Variants in COL25A1 observed in about 807,000 individuals in gnomAD.
The protein encoded by COL25A1 is collagen alpha-1(XXV) chain.
COL25A1 carries 103 observed loss-of-function variants against 128.4 expected under a neutral mutation model. The ratio of observed to expected loss-of-function variants is 0.80; its 90% CI spans 0.68 to 0.94. COL25A1 has a LOEUF of 0.94. COL25A1 is among the 40% of genes least tolerant of loss of function. COL25A1 has a pLI of 0.00. For synonymous variants in COL25A1, 279 were observed against 277.2 expected, an observed-to-expected ratio of 1.01 and a Z score of -0.06; for missense variants, 745 against 840.0, an observed-to-expected ratio of 0.89 and a Z score of 1.40.
intron 8 of COL25A1, among the ~76,000 whole-genome samples, chr4:108,972,570 T>C (rs1326633964): frequency 6.6e-6 from 1 of 152,198 alleles, no homozygotes; most frequent in African/African-American, 2.4e-5. Flanking sequence ...CTTTCACCTC[T>C]ACCTTCCAGG....
At chr4:108,900,173 G>A (rs1479846298) in intron 14 of COL25A1, among the ~76,000 whole-genome samples, 1 of 152,144 alleles carries the variant, frequency 6.6e-6, no homozygotes, top group East Asian at 1.9e-4. Context: ...CACCCATCCT[G>A]ATGGTCGCTA....
chr4:109,012,072 G>A (rs1351777830), intron 5 of COL25A1, among the ~76,000 whole-genome samples: 24 of 152,298 alleles, frequency 1.6e-4, no homozygotes, highest in Non-Finnish European at 1.5e-5. Context: ...GAGTGTAGTG[G>A]CACAATCATG....
intron 27 of COL25A1, 137 bp from the exon 28 acceptor site, chr4:108,846,356 G>T: frequency 1.5e-6 from 1 of 651,044 alleles, no homozygotes; most frequent in South Asian, 1.9e-5. Context: ...TTGTTTTTAG[G>T]TAGAGTTATT....
At chr4:109,229,540 A>T (rs1449688565) in intron 3 of COL25A1, among the ~76,000 whole-genome samples, 1 of 152,222 alleles carries the variant, frequency 6.6e-6, no homozygotes, top group African/African-American at 2.4e-5. Flanking sequence ...AAGACACGTT[A>T]CAGACTTCTT....
chr4:108,847,966 A>G (rs1735309043), intron 27 of COL25A1, among the ~76,000 whole-genome samples: 1 of 152,162 alleles, frequency 6.6e-6, no homozygotes, highest in Admixed American at 6.5e-5. Flanking sequence ...AGAAAACACT[A>G]AAGATCTTGA....
intron 3 of COL25A1, among the ~76,000 whole-genome samples, chr4:109,228,208 T>C (rs933308769): frequency 6.6e-5 from 10 of 152,162 alleles, no homozygotes; most frequent in African/African-American, 2.4e-4. Context: ...TAATTTCCTC[T>C]GGAAACACCC....
At chr4:109,132,791 T>C (rs1036772555) in intron 3 of COL25A1, among the ~76,000 whole-genome samples, 24 of 152,144 alleles carry the variant, frequency 1.6e-4, no homozygotes, top group Admixed American at 6.5e-4. Flanking sequence ...CTTCTAATAA[T>C]ACAATTCTGT....
At chr4:109,260,575 A>C (rs1221056052) in intron 3 of COL25A1, among the ~76,000 whole-genome samples, 1 of 152,060 alleles carries the variant, frequency 6.6e-6, no homozygotes, top group Non-Finnish European at 1.5e-5. Context: ...GGCTCACTGC[A>C]AGCTCCGCCT....
intron 3 of COL25A1, among the ~76,000 whole-genome samples, chr4:109,190,612 G>T (rs1775528168): frequency 6.6e-6 from 1 of 152,080 alleles, no homozygotes; most frequent in Non-Finnish European, 1.5e-5. Flanking sequence ...AAGTATGAAT[G>T]GATATAATGG....
intron 3 of COL25A1, among the ~76,000 whole-genome samples, chr4:109,083,958 CAACTT>C (rs976920465): frequency 6.6e-6 from 1 of 152,040 alleles, no homozygotes; most frequent in African/African-American, 2.4e-5. Context: ...AATAGAAAAA[CAACTT>C]AAATTAAAAG....
At chr4:109,186,816 G>C (rs1207263323) in intron 3 of COL25A1, among the ~76,000 whole-genome samples, 1 of 152,160 alleles carries the variant, frequency 6.6e-6, no homozygotes, top group Non-Finnish European at 1.5e-5. Context: ...CATTTGATTA[G>C]AGAATGTTTC....
intron 3 of COL25A1, among the ~76,000 whole-genome samples, chr4:109,068,339 G>T (rs1227976110): frequency 6.6e-6 from 1 of 152,022 alleles, no homozygotes; most frequent in East Asian, 1.9e-4. Context: ...TAAGGACCTG[G>T]TGCACATGCA....
At chr4:109,261,591 G>A (rs1285924867) in intron 3 of COL25A1, among the ~76,000 whole-genome samples, 1 of 152,120 alleles carries the variant, frequency 6.6e-6, no homozygotes, top group Non-Finnish European at 1.5e-5. Context: ...TTGTTCCCTT[G>A]AGCATCTCTG....
chr4:109,284,162 C>T (rs955202105), intron 3 of COL25A1, among the ~76,000 whole-genome samples: 1 of 152,214 alleles, frequency 6.6e-6, no homozygotes, highest in Admixed American at 6.5e-5. Context: ...CAGTGGCTCA[C>T]GCCTATAATC....
In COL25A1 at chr4:109,013,799, C is replaced by A. The variant is rs562527771; in HGVS notation, c.421-3424G>T. Among the ~76,000 whole-genome samples, 4 of 152,304 alleles carry A rather than the reference C, an allele frequency of 2.6e-5. No homozygotes were observed. In the South Asian group the frequency reaches 8.3e-4, roughly 32 times the overall value. Reference sequence around the variant, plus strand: ...AAGCACGTCCGAACATCAGAAGGAACAAACTCCGGACACACCATCTTTAAG... The same window carrying A: ...AAGCACGTCCGAACATCAGAAGGAAAAAACTCCGGACACACCATCTTTAAG... On this transcript the variant is annotated intron_variant, in intron 5 of 37. Coordinates refer to ENST00000399132, the MANE Select transcript of COL25A1 (RefSeq NM_198721.4).
chr4:109,215,557 C>T (rs1777917374), intron 3 of COL25A1, among the ~76,000 whole-genome samples: 1 of 152,102 alleles, frequency 6.6e-6, no homozygotes, highest in South Asian at 2.1e-4. Flanking sequence ...TTTAAAACAA[C>T]TAATTAGACT....
At chr4:109,132,584 A>T (rs12649586) in intron 3 of COL25A1, among the ~76,000 whole-genome samples, 11,491 of 152,204 alleles carry the variant, frequency 0.075, 852 homozygotes, top group African/African-American at 0.19. Context: ...ATAATCATAG[A>T]ATCAATTTAA....
intron 3 of COL25A1, among the ~76,000 whole-genome samples, chr4:109,058,376 T>TA (rs1761640986): frequency 6.6e-6 from 1 of 152,154 alleles, no homozygotes; most frequent in South Asian, 2.1e-4. Context: ...ACATGCTATG[T>TA]AACAAGAGTG....
At chr4:109,218,364 T>TTTTTTTTG (rs1560887207) in intron 3 of COL25A1, among the ~76,000 whole-genome samples, 3 of 130,152 alleles carry the variant, frequency 2.3e-5, no homozygotes, top group East Asian at 2.1e-4. Flanking sequence ...GGGGTTTTTT[T>TTTTTTTTG]TTTTTTTTTT....
Sources: gnomAD v4.1 joint callset for allele counts (sites outside exome capture counted in the v4.1 genomes callset) on GRCh38, gnomAD v4.1.1 for gene constraint, MANE v1.5 for transcripts, NCBI Gene and HGNC (gene_info 2026-07-23, HGNC 2026-07-21) for gene names.